PRKRIP1: variants seen among roughly 807,000 people sequenced by gnomAD.
The protein encoded by PRKRIP1 is PRKR interacting protein 1, also known as PRKR-interacting protein 1.
In PRKRIP1, 29 loss-of-function variants were observed where a neutral mutation model predicts 29.3. That is an observed-to-expected ratio of 0.99 (90% CI 0.74 to 1.35). The LOEUF is 1.35. PRKRIP1 is among the 40% of genes most tolerant of loss of function. PRKRIP1 has a pLI of 0.00. For synonymous variants in PRKRIP1, 90 were observed against 85.1 expected (o/e 1.06, Z -0.32); for missense variants, 247 against 236.8 (o/e 1.04, Z -0.28).
chr7:102,397,763 A>C (rs1273025212), intron 2 of PRKRIP1, 65 bp downstream of exon 2: 29 of 1,502,596 alleles, frequency 1.9e-5, no homozygotes, highest in Non-Finnish European at 2.5e-5. Flanking sequence ...AGGTAGCTAT[A>C]GGCTGGGCGT....
intron 5 of PRKRIP1, among the ~76,000 whole-genome samples, 154 bp downstream of exon 5, chr7:102,407,652 T>C (rs1268459870): frequency 1.4e-4 from 22 of 152,140 alleles, no homozygotes; most frequent in Non-Finnish European, 3.2e-4. Context: ...ACCCATTGAA[T>C]TGCAAGTATC....
chr7:102,400,655 A>T lies in PRKRIP1; in HGVS notation c.306+1007A>T, dbSNP rs573913145. Among the ~76,000 whole-genome samples, 13 of 152,160 alleles carry T rather than the reference A, an allele frequency of 8.5e-5. No homozygotes were observed. The East Asian group carries it at 2.5e-3, about 29-fold the overall frequency. On this transcript the variant is annotated intron_variant, in intron 3 of 5. Transcript: ENST00000397912. ...GATACTAACTTTATTTATTATTTTG[A>T]GATGGAGTTTTGCTCTTGTTGCCCA...
chr7:102,419,845 TTGTGTGTGTGTGTGTG>T (rs56752508), intron 5 of PRKRIP1, among the ~76,000 whole-genome samples: 25,769 of 142,710 alleles, frequency 0.18, 2,353 homozygotes, highest in Middle Eastern at 0.2. Context: ...TTTTGTGTTT[TTGTGTGTGTGTGTGTG>T]TGTGTGTGTG....
chr7:102,425,613 G>A lies in PRKRIP1; in HGVS notation c.*502G>A. The A allele has an allele frequency of 4.1e-6, 1 of 245,910 alleles. No homozygotes were observed. Among genetic ancestry groups the A allele is most frequent in the South Asian group, 3.9e-5 (1 of 25,892 alleles). 15.2% of individuals were successfully genotyped at this position (245,910 alleles called of 1,614,324 possible). A position where few individuals can be genotyped will look rare whatever the true frequency, so the allele number is the denominator to read the frequency against. On this transcript the variant is annotated 3_prime_UTR_variant, in exon 6 of 6. Coordinates refer to ENST00000397912, the MANE Select transcript of PRKRIP1 (RefSeq NM_024653.4). ...TGGTCCATGTTGCCCACTCACTCCA[G>A]TGGGAAGTGGGGACCACGCCATAGA...
chr7:102,426,308 C>T lies in PRKRIP1; in HGVS notation c.*1197C>T, dbSNP rs1438898134. 1.3e-5 allele frequency: 2 copies of T among 152,436 alleles called. No homozygotes were observed. The highest frequency in any genetic ancestry group is 2.9e-5 in the Non-Finnish European group (2 of 68,108). The allele number at this position is 152,436 out of a possible 1,614,324, so 9.4% of individuals were successfully genotyped here. Reference sequence around the variant, plus strand: ...GGGAGCCAGGGGGCCTGGGAGGAGCCGAGACCAGCCTTTTACCTCGGGGTT... The same window carrying T: ...GGGAGCCAGGGGGCCTGGGAGGAGCTGAGACCAGCCTTTTACCTCGGGGTT... On this transcript the variant is annotated 3_prime_UTR_variant, in exon 6 of 6. Coordinates refer to ENST00000397912, the MANE Select transcript of PRKRIP1 (RefSeq NM_024653.4).
chr7:102,418,396 A>C (rs543815481), intron 5 of PRKRIP1, among the ~76,000 whole-genome samples: 1 of 152,244 alleles, frequency 6.6e-6, no homozygotes, highest in East Asian at 1.9e-4. Flanking sequence ...TTAAAACCCA[A>C]GGTCTGGGGA....
intron 1 of PRKRIP1, 143 bp downstream of exon 1, chr7:102,396,680 G>A: frequency 1.2e-6 from 1 of 865,928 alleles, no homozygotes; most frequent in Non-Finnish European, 1.7e-6. Context: ...CTTTGGGGAG[G>A]AGGAGGAGAA....
chr7:102,416,575 T>C, intron 5 of PRKRIP1, among the ~76,000 whole-genome samples: 1 of 152,176 alleles, frequency 6.6e-6, no homozygotes, highest in East Asian at 1.9e-4. Flanking sequence ...TTCTCATGAT[T>C]TGACTGGGGT....
At chr7:102,411,700 A>C (rs1796386368) in intron 5 of PRKRIP1, among the ~76,000 whole-genome samples, 1 of 151,382 alleles carries the variant, frequency 6.6e-6, no homozygotes. Flanking sequence ...TCTATTTTTA[A>C]TTTTTGTGTA....
rs192028118 is a variant in PRKRIP1, at chr7:102,425,766, G to A, written c.*655G>A. Reference sequence around the variant, plus strand: ...CAAGGGCACAGGGTGTGTGGAAAGCGCTGTGGGGGAAGAGCCGGTCACCGG... The same window carrying A: ...CAAGGGCACAGGGTGTGTGGAAAGCACTGTGGGGGAAGAGCCGGTCACCGG... On this transcript the variant is annotated 3_prime_UTR_variant, in exon 6 of 6. Coordinates refer to ENST00000397912, the MANE Select transcript of PRKRIP1 (RefSeq NM_024653.4). 5.6e-4 allele frequency: 88 copies of A among 156,292 alleles called. No individual in the cohort carries two copies. Among genetic ancestry groups the A allele is most frequent in the African/African-American group, 1.5e-3 (62 of 41,606 alleles). 9.7% of individuals were successfully genotyped at this position (156,292 alleles called of 1,614,324 possible).
rs368539343 is a variant in PRKRIP1, at chr7:102,399,651, C to T, written c.306+3C>T. ...ACATGGATGCCATGGCTGAGAAGGT[C>T]AGTGAGCCAGAAGGCTGGCTGAGCC... On this transcript the variant is annotated splice_donor_region_variant and intron_variant, in intron 3 of 5. Coordinates refer to ENST00000397912, the MANE Select transcript of PRKRIP1 (RefSeq NM_024653.4). The T allele has an allele frequency of 1.1e-4, 177 of 1,608,236 alleles. No homozygotes were observed. Among genetic ancestry groups the T allele is most frequent in the South Asian group, 4.3e-4 (39 of 90,956 alleles).
In PRKRIP1 at chr7:102,404,671, G is replaced by T. The variant is rs782403855; in HGVS notation, c.380G>T (p.Arg127Leu). 1 of 1,613,432 alleles carries T rather than the reference G, an allele frequency of 6.2e-7. No homozygotes were observed. Among genetic ancestry groups the T allele is most frequent in the South Asian group, 1.1e-5 (1 of 91,016 alleles). Residue 127 changes from arginine (R) to leucine (L), a missense_variant, in exon 4 of 6, where the codon CGC becomes CTC. By Grantham distance (102) the Arg-to-Leu change is moderately radical. Coordinates refer to ENST00000397912, the MANE Select transcript of PRKRIP1 (RefSeq NM_024653.4). ...GCTGCAGAGGAGCAGACCGCAAAGC[G>T]CCGGAAGAAGCGGTAAGCGGCATGG... is the stretch of plus-strand genomic sequence containing the variant. ...KIAAEEQTAKRRKKRQKLKEK... is the reference protein window; with the variant it reads ...KIAAEEQTAKLRKKRQKLKEK...
At chr7:102,401,733 C>CA (rs201631625) in intron 3 of PRKRIP1, among the ~76,000 whole-genome samples, 77 of 150,408 alleles carry the variant, frequency 5.1e-4, no homozygotes, top group South Asian at 8.4e-4. Flanking sequence ...AACTCTGTCT[C>CA]AAAAAAAACA....
At chr7:102,415,905 C>G (rs782120424) in intron 5 of PRKRIP1, among the ~76,000 whole-genome samples, 2 of 152,272 alleles carry the variant, frequency 1.3e-5, no homozygotes, top group Non-Finnish European at 2.9e-5. Context: ...CCATGCTGGT[C>G]TGTTCACTCC....
intron 5 of PRKRIP1, among the ~76,000 whole-genome samples, chr7:102,422,319 G>T (rs945805923): frequency 6.6e-6 from 1 of 151,284 alleles, no homozygotes. Context: ...GATGACAGGC[G>T]TGAGCCACCA....
At chr7:102,401,432 G>GA (rs1485943789) in intron 3 of PRKRIP1, among the ~76,000 whole-genome samples, 1 of 152,116 alleles carries the variant, frequency 6.6e-6, no homozygotes, top group Non-Finnish European at 1.5e-5. Flanking sequence ...AATTGAGTTA[G>GA]AAAAAATTCT....
chr7:102,412,332 A>T (rs533362727), intron 5 of PRKRIP1, among the ~76,000 whole-genome samples: 1 of 151,732 alleles, frequency 6.6e-6, no homozygotes, highest in South Asian at 2.1e-4. Context: ...AGGTGGGAGG[A>T]TCTCTTGAGC....
chr7:102,415,247 T>C (rs1245931029), intron 5 of PRKRIP1, among the ~76,000 whole-genome samples: 1 of 152,210 alleles, frequency 6.6e-6, no homozygotes, highest in African/African-American at 2.4e-5. Flanking sequence ...TCCAAAGCTC[T>C]GTTTTTTGAA....
At chr7:102,399,225 G>A (rs1796001487) in intron 2 of PRKRIP1, among the ~76,000 whole-genome samples, 1 of 152,204 alleles carries the variant, frequency 6.6e-6, no homozygotes, top group African/African-American at 2.4e-5. Context: ...TATCATGGAT[G>A]TCTTTTCAAC....
Sources: allele counts gnomAD v4.1 joint callset (sites outside exome capture counted in the v4.1 genomes callset), GRCh38; gene constraint gnomAD v4.1.1; transcripts MANE v1.5; gene names NCBI Gene and HGNC (gene_info 2026-07-23, HGNC 2026-07-21).